C1QC: variants seen among roughly 807,000 people sequenced by gnomAD.
C1QC encodes the protein complement C1q C chain, also known as complement C1q subcomponent subunit C.
Under a neutral mutation model 5.9 loss-of-function variants are expected in C1QC, and 4 were observed. That is an observed-to-expected ratio of 0.68 (90% CI 0.33 to 1.55). C1QC has a LOEUF of 1.55. Ranked by LOEUF, C1QC falls within the 40% of genes most tolerant of loss-of-function variation. The pLI, the probability that C1QC is intolerant of heterozygous loss-of-function variation, is 0.06. For synonymous variants in C1QC, 166 were observed against 153.8 expected (o/e 1.08, Z -0.59); for missense variants, 299 against 326.9 (o/e 0.91, Z 0.66).
chr1:22,646,770 G>T (rs988829082), intron 2 of C1QC, among the ~76,000 whole-genome samples: 1 of 152,204 alleles, frequency 6.6e-6, no homozygotes, highest in African/African-American at 2.4e-5. Flanking sequence ...TTTTTGTCAA[G>T]AAGGTCTGAG....
chr1:22,646,164 G>A (rs898606756), intron 2 of C1QC, among the ~76,000 whole-genome samples: 3 of 152,166 alleles, frequency 2.0e-5, no homozygotes, highest in East Asian at 1.9e-4. Context: ...CTTCCTCATC[G>A]GCAACATGAG....
chr1:22,644,013 C>T lies in C1QC; in HGVS notation c.-11C>T, dbSNP rs1642320739. ...CAGCTCAGCTCTCTCCCTCCCAGTT[C>T]CTTCTCCGGGATGGACGTGGGGCCC... is the stretch of plus-strand genomic sequence containing the variant. On this transcript the variant is annotated splice_region_variant and 5_prime_UTR_variant, in exon 2 of 3. Transcript: ENST00000374640. 6.3e-7 allele frequency: 1 copy of T among 1,592,972 alleles called. No individual in the cohort carries two copies. The highest frequency in any genetic ancestry group is 8.5e-7 in the Non-Finnish European group (1 of 1,171,738).
chr1:22,647,131 C>A, intron 2 of C1QC, 96 bp from the exon 3 acceptor site: 2 of 1,423,378 alleles, frequency 1.4e-6, no homozygotes, highest in Non-Finnish European at 1.9e-6. Context: ...ATTCTAGAGA[C>A]CAAATGCCAG....
At position 22,643,645 on chromosome 1, in the gene C1QC, C is replaced by T. The variant is rs1642312604; in HGVS notation, c.-83C>T. 9.5e-7 allele frequency: 1 copy of T among 1,054,990 alleles called. No individual in the cohort carries two copies. Among genetic ancestry groups the T allele is most frequent in the South Asian group, 4.3e-5 (1 of 23,302 alleles). 65.4% of individuals were successfully genotyped at this position (1,054,990 alleles called of 1,614,324 possible). On this transcript the variant is annotated 5_prime_UTR_variant, in exon 1 of 3. Coordinates refer to ENST00000374640, the MANE Select transcript of C1QC (RefSeq NM_172369.5). ...GCTCTGACCACTCAGACACCGTGTCCTCTTGCCTGGGAGAGGGGAAGCAGA... is the reference window on the plus strand; with the variant it reads ...GCTCTGACCACTCAGACACCGTGTCTTCTTGCCTGGGAGAGGGGAAGCAGA...
intron 1 of C1QC, 91 bp from the exon 2 acceptor site, chr1:22,643,920 C>A: frequency 6.9e-7 from 1 of 1,454,540 alleles, no homozygotes; most frequent in East Asian, 2.4e-5. Flanking sequence ...AAGGCGAGCT[C>A]CCGAGGGCTG....
chr1:22,646,263 C>T (rs552390738), intron 2 of C1QC, among the ~76,000 whole-genome samples: 9 of 152,306 alleles, frequency 5.9e-5, no homozygotes, highest in Admixed American at 1.3e-4. Context: ...TGCAGTGGGG[C>T]GGCTTCTATT....
intron 2 of C1QC, among the ~76,000 whole-genome samples, chr1:22,645,410 C>T (rs1198338621): frequency 6.6e-6 from 1 of 152,146 alleles, no homozygotes; most frequent in Non-Finnish European, 1.5e-5. Context: ...AAGTGATTGA[C>T]CCTCATTTTG....
chr1:22,643,787 T>A (rs747852673), intron 1 of C1QC, 73 bp downstream of exon 1: 5 of 1,323,666 alleles, frequency 3.8e-6, no homozygotes, highest in Non-Finnish European at 4.8e-6. Context: ...TCCTGAAATG[T>A]GGTGCCAGGG....
At chr1:22,643,930 G>A in intron 1 of C1QC, 81 bp from the exon 2 acceptor site, 2 of 1,483,088 alleles carry the variant, frequency 1.3e-6, no homozygotes, top group South Asian at 2.8e-5. Context: ...CCCGAGGGCT[G>A]AGGAGGACGG....
At chr1:22,645,491 C>A (rs1031493908) in intron 2 of C1QC, among the ~76,000 whole-genome samples, 1 of 152,242 alleles carries the variant, frequency 6.6e-6, no homozygotes, top group Admixed American at 6.5e-5. Context: ...TCCTGTCCAA[C>A]TCTCAAGTCC....
chr1:22,647,883 CTCCCCACCAGATGGACT>C lies in C1QC; in HGVS notation c.*103_*119del. 1.3e-6 allele frequency: 2 copies of C among 1,502,438 alleles called. No individual in the cohort carries two copies. The highest frequency in any genetic ancestry group is 1.8e-6 in the Non-Finnish European group (2 of 1,113,956). 93.1% of individuals were successfully genotyped at this position (1,502,438 alleles called of 1,614,324 possible). A position where few individuals can be genotyped will look rare whatever the true frequency, so the allele number is the denominator to read the frequency against. ...AGTCTGCATCCTTGCCTAGACCATT[CTCCCCACCAGATGGACT>C]TCTCCTCCAGGGAGCCCACCCTGAC... is the stretch of plus-strand genomic sequence containing the variant. On this transcript the variant is annotated 3_prime_UTR_variant, in exon 3 of 3. Coordinates refer to ENST00000374640, the MANE Select transcript of C1QC (RefSeq NM_172369.5).
At position 22,646,924 on chromosome 1, in the gene C1QC, G is replaced by A. The variant is rs369681372; in HGVS notation, c.182-303G>A. Among the ~76,000 whole-genome samples the A allele has an allele frequency of 2.7e-4, 41 of 152,312 alleles. No homozygotes were observed. The East Asian group carries it at 5.8e-3, about 22-fold the overall frequency. ...TGACAGTCATGGCATCTGTGATCCC[G>A]CCCAGCTCTGAGCTCCCTACTTGCT... is the stretch of plus-strand genomic sequence containing the variant. On this transcript the variant is annotated intron_variant, in intron 2 of 2. Coordinates refer to ENST00000374640, the MANE Select transcript of C1QC (RefSeq NM_172369.5).
Position 22,647,146 on chromosome 1 carries a change from G to C in C1QC, c.182-81G>C, listed in dbSNP as rs1642380567. The C allele has an allele frequency of 2.7e-6, 4 of 1,508,960 alleles. No individual in the cohort carries two copies. In the Admixed American group the frequency reaches 7.1e-5, roughly 27 times the overall value. 93.5% of individuals were successfully genotyped at this position (1,508,960 alleles called of 1,614,324 possible). A position where few individuals can be genotyped will look rare whatever the true frequency, so the allele number is the denominator to read the frequency against. The stretch of plus-strand genomic sequence containing the variant: ...ATTCTAGAGACCAAATGCCAGCGCT[G>C]TGTTCCCTGGAAGACACCCTCAGGG... On this transcript the variant is annotated intron_variant, in intron 2 of 2. Coordinates refer to ENST00000374640, the MANE Select transcript of C1QC (RefSeq NM_172369.5).
At position 22,647,535 on chromosome 1, in the gene C1QC, G is replaced by A. The variant is rs752596663; in HGVS notation, c.490G>A (p.Gly164Ser). 6.3e-5 allele frequency: 101 copies of A among 1,614,078 alleles called. No homozygotes were observed. Among genetic ancestry groups the A allele is most frequent in the Non-Finnish European group, 8.4e-5 (99 of 1,180,054 alleles). The stretch of plus-strand genomic sequence containing the variant: ...TGGCAAGTTCACCTGCAAAGTCCCC[G>A]GCCTCTACTACTTTGTCTACCACGC... ...STGKFTCKVP[G>S]LYYFVYHASH... The change falls in exon 3 of 3, where the codon GGC becomes AGC. Residue 164 changes from glycine (G) to serine (S), a missense_variant. Coordinates refer to ENST00000374640, the MANE Select transcript of C1QC (RefSeq NM_172369.5).
chr1:22,647,747 C>G lies in C1QC; in HGVS notation c.702C>G (p.Asp234Glu). ...YYDMVGIQGSDSVFSGFLLFP... is the reference protein window; with the variant it reads ...YYDMVGIQGSESVFSGFLLFP... ...ACATGGTGGGCATCCAGGGCTCTGA[C>G]AGCGTCTTCTCCGGCTTCCTGCTCT... The change falls in exon 3 of 3, where the codon GAC (aspartate) becomes GAG (glutamate). Residue 234 changes from aspartate (D) to glutamate (E), a missense_variant. Physicochemically the swap from Asp to Glu is conservative, Grantham distance 45. Coordinates refer to ENST00000374640, the MANE Select transcript of C1QC (RefSeq NM_172369.5). 5 of 1,600,426 alleles carry G rather than the reference C, an allele frequency of 3.1e-6. No individual in the cohort carries two copies. In the South Asian group the frequency reaches 3.3e-5, roughly 11 times the overall value.
At chr1:22,643,990 G>C in intron 1 of C1QC, 21 bp from the exon 2 acceptor site, 1 of 1,587,736 alleles carries the variant, frequency 6.3e-7, no homozygotes, top group Non-Finnish European at 8.6e-7. Context: ...GGCGGGGACA[G>C]CTCAGCTCTC....
At position 22,644,037 on chromosome 1, in the gene C1QC, C is replaced by G. The variant is rs1182130955; in HGVS notation, c.14C>G (p.Pro5Arg). Residue 5 changes from proline (P) to arginine (R), a missense_variant, in exon 2 of 3, where the codon CCC becomes CGC. By Grantham distance (103) the Pro-to-Arg change is moderately radical. This residue lies in a region of C1QC where 146 missense variants were observed against 144.1 expected (regional missense o/e 1.01). Transcript: ENST00000374640. MDVG[P>R]SSLPHLGLKL... ...TCCTTCTCCGGGATGGACGTGGGGCCCAGCTCCCTGCCCCACCTTGGGCTG... is the reference window on the plus strand; with the variant it reads ...TCCTTCTCCGGGATGGACGTGGGGCGCAGCTCCCTGCCCCACCTTGGGCTG... The G allele has an allele frequency of 3.1e-6, 5 of 1,589,784 alleles. No individual in the cohort carries two copies. The highest frequency in any genetic ancestry group is 1.8e-5 in the Admixed American group (1 of 55,856).
At chr1:22,643,980 G>C (rs1217563879) in intron 1 of C1QC, 31 bp from the exon 2 acceptor site, 1 of 1,580,850 alleles carries the variant, frequency 6.3e-7, no homozygotes, top group Non-Finnish European at 8.6e-7. Flanking sequence ...GTGAGGGGCT[G>C]GCGGGGACAG....
Position 22,644,176 on chromosome 1 carries a change from C to T in C1QC, c.153C>T (p.Asp51=), listed in dbSNP as rs534757506. 2.9e-5 allele frequency: 46 copies of T among 1,584,574 alleles called. No individual in the cohort carries two copies. The East Asian group carries it at 3.6e-4, about 13-fold the overall frequency. Residue 51 remains aspartate, a synonymous_variant, in exon 2 of 3, where the codon GAC becomes GAT. Transcript: ENST00000374640. ...LPGAPGKDGY[D]GLPGPKGEPG... is the part of the protein sequence containing the mutation. ...GGGCACCAGGGAAGGATGGGTACGA[C>T]GGACTGCCGGGGCCCAAGGGGGAGC...
Sources: allele counts gnomAD v4.1 joint callset (sites outside exome capture counted in the v4.1 genomes callset), GRCh38; gene constraint gnomAD v4.1.1; regional missense constraint gnomAD v4.1.1; transcripts MANE v1.5; gene names NCBI Gene and HGNC (gene_info 2026-07-23, HGNC 2026-07-21).